Variants in PKNOX2 observed in about 807,000 individuals in gnomAD.
The protein encoded by PKNOX2 is homeobox protein PKNOX2.
Under a neutral mutation model 53.1 loss-of-function variants are expected in PKNOX2, and 14 were observed. That is an observed-to-expected ratio of 0.26 (90% CI 0.17 to 0.41). The LOEUF (loss-of-function observed/expected upper bound fraction) is 0.41, where lower values mean the gene tolerates loss of function less well. Ranked by LOEUF, PKNOX2 falls within the 10% of genes least tolerant of loss-of-function variation. PKNOX2 has a pLI of 1.00. For missense variants in PKNOX2, 496 were observed against 602.8 expected (o/e 0.82, Z 1.85); for synonymous variants, 257 against 242.8 (o/e 1.06, Z -0.54).
chr11:125,331,975 G>A (rs764994988), intron 3 of PKNOX2, 50 bp downstream of exon 3: 1 of 152,152 alleles, frequency 6.6e-6, no homozygotes, highest in Admixed American at 6.5e-5. Context: ...CCCCCAAGCA[G>A]GATATCTTTT....
chr11:125,387,552 A>G (rs1338347121), intron 6 of PKNOX2, among the ~76,000 whole-genome samples: 2 of 152,126 alleles, frequency 1.3e-5, no homozygotes, highest in Admixed American at 6.5e-5. Flanking sequence ...TAGGTTCCCC[A>G]GGGTTCTGTT....
intron 1 of PKNOX2, among the ~76,000 whole-genome samples, chr11:125,232,910 T>A (rs1359326337): frequency 6.6e-6 from 1 of 152,198 alleles, no homozygotes; most frequent in East Asian, 1.9e-4. Context: ...ATACTTTTTT[T>A]AATGTAAGAG....
At chr11:125,304,802 A>C (rs1426357712) in intron 2 of PKNOX2, among the ~76,000 whole-genome samples, 1 of 152,174 alleles carries the variant, frequency 6.6e-6, no homozygotes, top group Non-Finnish European at 1.5e-5. Context: ...AGGGCCTACT[A>C]TGTGCCAATT....
chr11:125,204,255 T>C (rs919716718), intron 1 of PKNOX2, among the ~76,000 whole-genome samples: 2 of 152,102 alleles, frequency 1.3e-5, no homozygotes, highest in Non-Finnish European at 2.9e-5. Context: ...GAGTTAAGTC[T>C]CCGGGGAGAA....
At chr11:125,315,303 G>GAAAAAA (rs534448203) in intron 2 of PKNOX2, among the ~76,000 whole-genome samples, 8 of 79,434 alleles carry the variant, frequency 1.0e-4, no homozygotes, top group Admixed American at 4.4e-4. Context: ...TGTGAAGCAG[G>GAAAAAA]AAAAAAAAAA....
At chr11:125,204,595 G>T (rs913177370) in intron 1 of PKNOX2, among the ~76,000 whole-genome samples, 1 of 152,178 alleles carries the variant, frequency 6.6e-6, no homozygotes, top group African/African-American at 2.4e-5. Context: ...GAGTTCTGGG[G>T]AAGTCGATGG....
intron 2 of PKNOX2, among the ~76,000 whole-genome samples, chr11:125,331,039 AG>A (rs1227603703): frequency 1.5e-5 from 2 of 135,828 alleles, no homozygotes; most frequent in African/African-American, 5.7e-5. Context: ...CCTGGCTCCA[AG>A]CACAGCCTCA....
intron 4 of PKNOX2, among the ~76,000 whole-genome samples, chr11:125,359,151 A>C (rs1565505805): frequency 6.6e-6 from 1 of 151,946 alleles, no homozygotes; most frequent in East Asian, 1.9e-4. Flanking sequence ...GAAGGTGGAC[A>C]CCATCAGGTG....
chr11:125,300,452 T>C (rs1947968769), intron 2 of PKNOX2, among the ~76,000 whole-genome samples: 1 of 152,140 alleles, frequency 6.6e-6, no homozygotes, highest in South Asian at 2.1e-4. Flanking sequence ...TTCCCACAGT[T>C]CTCCAGCTGG....
chr11:125,296,072 G>A (rs1565490312), intron 2 of PKNOX2, among the ~76,000 whole-genome samples: 1 of 152,058 alleles, frequency 6.6e-6, no homozygotes, highest in Non-Finnish European at 1.5e-5. Context: ...AACCTCGCCA[G>A]ACTCAGCTTA....
At chr11:125,215,133 C>T (rs1400112661) in intron 1 of PKNOX2, among the ~76,000 whole-genome samples, 9 of 152,080 alleles carry the variant, frequency 5.9e-5, no homozygotes, top group Non-Finnish European at 1.3e-4. Context: ...CCGTGTCTTC[C>T]GGAGCAGTTG....
intron 4 of PKNOX2, among the ~76,000 whole-genome samples, chr11:125,363,521 C>T (rs1342466295): frequency 6.6e-6 from 1 of 152,214 alleles, no homozygotes; most frequent in Non-Finnish European, 1.5e-5. Flanking sequence ...GTTCTGAGGA[C>T]ATCATTCAAC....
intron 1 of PKNOX2, among the ~76,000 whole-genome samples, chr11:125,216,868 C>A (rs933905848): frequency 1.3e-5 from 2 of 152,142 alleles, no homozygotes; most frequent in African/African-American, 4.8e-5. Context: ...TTGTTAAAGG[C>A]GTATTAAAAG....
chr11:125,407,753 A>AC lies in PKNOX2; in HGVS notation c.589-2443_589-2442insC, dbSNP rs1565518714. Among the ~76,000 whole-genome samples, 112 of 151,876 alleles carry AC rather than the reference A, an allele frequency of 7.4e-4. 1 individual carries two copies. Among genetic ancestry groups the AC allele is most frequent in the South Asian group, 7.1e-3 (34 of 4,798 alleles). ...TCTACCCTGTCTCAAAAAACAAACA[A>AC]AAAAAAAAGTAAATTTACCTTCCGA... On this transcript the variant is annotated intron_variant, in intron 7 of 12. Coordinates refer to ENST00000298282, the MANE Select transcript of PKNOX2 (RefSeq NM_001382323.2).
intron 5 of PKNOX2, among the ~76,000 whole-genome samples, chr11:125,377,590 G>A (rs981730974): frequency 6.6e-6 from 1 of 152,146 alleles, no homozygotes; most frequent in Admixed American, 6.5e-5. Flanking sequence ...CCATTCCAGG[G>A]ACCAGGGTCC....
chr11:125,367,772 G>A, intron 4 of PKNOX2, 74 bp from the exon 5 acceptor site: 2 of 1,519,234 alleles, frequency 1.3e-6, no homozygotes, highest in Non-Finnish European at 1.8e-6. Context: ...GGCCAAGGCG[G>A]ACCTCACACT....
chr11:125,358,594 A>G lies in PKNOX2; in HGVS notation c.87+7202A>G, dbSNP rs574326072. ...TTGTACACCACTGAGCAACTCTTCTATGGTCTGTTCTGTCCACTTGGCCTG... is the reference window on the plus strand; with the variant it reads ...TTGTACACCACTGAGCAACTCTTCTGTGGTCTGTTCTGTCCACTTGGCCTG... On this transcript the variant is annotated intron_variant, in intron 4 of 12. Coordinates refer to ENST00000298282, the MANE Select transcript of PKNOX2 (RefSeq NM_001382323.2). Among the ~76,000 whole-genome samples the G allele has an allele frequency of 2.0e-5, 3 of 152,332 alleles. No homozygotes were observed. In the South Asian group the frequency reaches 6.2e-4, roughly 32 times the overall value.
intron 2 of PKNOX2, among the ~76,000 whole-genome samples, chr11:125,238,025 C>G (rs905259640): frequency 1.3e-5 from 2 of 152,224 alleles, no homozygotes; most frequent in African/African-American, 2.4e-5. Context: ...CTTCCTTCCC[C>G]TCTGCCACAT....
At chr11:125,378,524 C>T (rs1565510824) in intron 5 of PKNOX2, among the ~76,000 whole-genome samples, 1 of 152,188 alleles carries the variant, frequency 6.6e-6, no homozygotes, top group African/African-American at 2.4e-5. Flanking sequence ...TGACCCTGGG[C>T]TTCCCTCTTC....
Sources: gnomAD v4.1 joint callset for allele counts (sites outside exome capture counted in the v4.1 genomes callset) on GRCh38, gnomAD v4.1.1 for gene constraint, MANE v1.5 for transcripts, NCBI Gene and HGNC (gene_info 2026-07-23, HGNC 2026-07-21) for gene names.